GRID2: variants seen among roughly 807,000 people sequenced by gnomAD.
GRID2 encodes glutamate receptor ionotropic, delta-2.
A neutral mutation model predicts 114.8 loss-of-function variants in GRID2; 33 were observed. The observed-to-expected ratio is 0.29, with a 90% CI of 0.22 to 0.38. The LOEUF (loss-of-function observed/expected upper bound fraction) is 0.38, where lower values mean the gene tolerates loss of function less well. Ranked by LOEUF, GRID2 falls within the 10% of genes least tolerant of loss-of-function variation. GRID2 has a pLI of 1.00. For missense variants in GRID2, 1,184 were observed against 1,257.7 expected (o/e 0.94, Z 0.89); for synonymous variants, 505 against 449.9 (o/e 1.12, Z -1.55).
intron 7 of GRID2, among the ~76,000 whole-genome samples, chr4:93,230,950 T>G (rs910923520): frequency 5.9e-5 from 9 of 152,144 alleles, no homozygotes; most frequent in Admixed American, 3.3e-4. Context: ...ATAATTTAAT[T>G]TGTTAGTGTT....
chr4:93,554,099 AG>A (rs1734062984), intron 13 of GRID2, among the ~76,000 whole-genome samples: 1 of 152,182 alleles, frequency 6.6e-6, no homozygotes, highest in Non-Finnish European at 1.5e-5. Flanking sequence ...CTATCTCTCT[AG>A]TACCTTGAAA....
chr4:92,835,473 T>A (rs1391203477), intron 2 of GRID2, among the ~76,000 whole-genome samples: 1 of 152,122 alleles, frequency 6.6e-6, no homozygotes, highest in East Asian at 1.9e-4. Flanking sequence ...GTTCAGGAAA[T>A]TCTACAGATA....
chr4:93,149,338 C>T (rs747942710), intron 4 of GRID2, among the ~76,000 whole-genome samples: 1 of 151,960 alleles, frequency 6.6e-6, no homozygotes. Context: ...CTTTGGGAGG[C>T]GGAGGCAGGT....
At chr4:93,532,513 A>G (rs1232699576) in intron 13 of GRID2, among the ~76,000 whole-genome samples, 2 of 152,170 alleles carry the variant, frequency 1.3e-5, no homozygotes, top group Non-Finnish European at 2.9e-5. Context: ...TACTTTGTGT[A>G]TTTAACTCTG....
chr4:92,759,083 A>G lies in GRID2; in HGVS notation c.244+168797A>G, dbSNP rs559536885. 2.0e-5 allele frequency among the ~76,000 whole-genome samples: 3 copies of G among 152,278 alleles called. No individual in the cohort carries two copies. The East Asian group carries it at 5.8e-4, about 29-fold the overall frequency. ...ATAAAAGTAAACATTTTGATTGTCT[A>G]CTCTAGGGACGGGATTCTAGAAAAA... On this transcript the variant is annotated intron_variant, in intron 2 of 15. Coordinates refer to ENST00000282020, the MANE Select transcript of GRID2 (RefSeq NM_001510.4).
rs1223893017 is a variant in GRID2, at chr4:92,933,485, C to T, written c.245-151510C>T. Among the ~76,000 whole-genome samples, 5 of 151,360 alleles carry T rather than the reference C, an allele frequency of 3.3e-5. No individual in the cohort carries two copies. In the Admixed American group the frequency reaches 3.3e-4, roughly 10 times the overall value. Reference sequence around the variant, plus strand: ...CTACACTGTGTCTATTTCCAAGGGGCTAATAAGATTTAAGACTTCAAAGAT... The same window carrying T: ...CTACACTGTGTCTATTTCCAAGGGGTTAATAAGATTTAAGACTTCAAAGAT... On this transcript the variant is annotated intron_variant, in intron 2 of 15. Transcript: ENST00000282020.
intron 2 of GRID2, among the ~76,000 whole-genome samples, chr4:93,018,960 G>C (rs867877510): frequency 2.2e-4 from 33 of 152,080 alleles, no homozygotes; most frequent in African/African-American, 7.5e-4. Context: ...TTAAATACCA[G>C]TCCTTATCAG....
At chr4:93,013,211 G>A (rs763757000) in intron 2 of GRID2, among the ~76,000 whole-genome samples, 1 of 151,928 alleles carries the variant, frequency 6.6e-6, no homozygotes, top group African/African-American at 2.4e-5. Flanking sequence ...TTGACATAAC[G>A]AAAAACATCT....
At chr4:92,754,031 C>A (rs1402563163) in intron 2 of GRID2, among the ~76,000 whole-genome samples, 1 of 152,172 alleles carries the variant, frequency 6.6e-6, no homozygotes, top group East Asian at 1.9e-4. Context: ...AACATAAACA[C>A]AAACACATCG....
chr4:93,207,058 C>T (rs928807374), intron 4 of GRID2, among the ~76,000 whole-genome samples: 3 of 151,920 alleles, frequency 2.0e-5, no homozygotes, highest in Non-Finnish European at 4.4e-5. Context: ...AAGTTTATTT[C>T]GAGTAGGGAA....
In GRID2 at chr4:93,377,088, T is replaced by C. The variant is rs569990675; in HGVS notation, c.1246-18519T>C. On this transcript the variant is annotated intron_variant, in intron 8 of 15. Coordinates refer to ENST00000282020, the MANE Select transcript of GRID2 (RefSeq NM_001510.4). ...GATATATACCAGAATAGAAATAATA[T>C]TGTATAATGTCTGCCATTTGTTTCA... Among the ~76,000 whole-genome samples, 14 of 152,290 alleles carry C rather than the reference T, an allele frequency of 9.2e-5. No homozygotes were observed. In the East Asian group the frequency reaches 2.7e-3, roughly 29 times the overall value.
chr4:93,632,503 G>T (rs1185858368), intron 14 of GRID2, among the ~76,000 whole-genome samples: 1 of 151,982 alleles, frequency 6.6e-6, no homozygotes, highest in Non-Finnish European at 1.5e-5. Context: ...TTTTTGTCAG[G>T]TTTGTCAAAG....
At chr4:92,473,196 G>T (rs1025327948) in intron 1 of GRID2, among the ~76,000 whole-genome samples, 1 of 151,910 alleles carries the variant, frequency 6.6e-6, no homozygotes, top group Non-Finnish European at 1.5e-5. Context: ...AAAATCAATT[G>T]ACCATGTAAT....
rs1013552222 is a variant in GRID2 at position 93,036,583 on chromosome 4, T to A, written c.245-48412T>A. On this transcript the variant is annotated intron_variant, in intron 2 of 15. Transcript: ENST00000282020. The stretch of plus-strand genomic sequence containing the variant: ...TTTCCTTTATTATTTTTGCTAATAG[T>A]CATAAAAAGATAAGGAAGTTAGCCA... Among the ~76,000 whole-genome samples the A allele has an allele frequency of 5.9e-5, 9 of 152,174 alleles. No individual in the cohort carries two copies. In the South Asian group the frequency reaches 6.2e-4, roughly 10 times the overall value.
chr4:92,468,322 T>G (rs142432420), intron 1 of GRID2, among the ~76,000 whole-genome samples: 1,547 of 152,004 alleles, frequency 0.01, 27 homozygotes, highest in African/African-American at 0.036. Flanking sequence ...GAATAACTTT[T>G]CCAATATTAC....
intron 1 of GRID2, among the ~76,000 whole-genome samples, chr4:92,453,740 G>A (rs538461081): frequency 2.0e-5 from 3 of 152,000 alleles, no homozygotes; most frequent in African/African-American, 4.8e-5. Context: ...TAAATTTTAC[G>A]GCTTACCTTT....
At chr4:93,422,001 A>G (rs1430384325) in intron 9 of GRID2, among the ~76,000 whole-genome samples, 1 of 152,202 alleles carries the variant, frequency 6.6e-6, no homozygotes, top group Non-Finnish European at 1.5e-5. Context: ...AAATTAAGGA[A>G]TAGATTATCT....
chr4:93,074,901 A>G (rs1729122083), intron 2 of GRID2, among the ~76,000 whole-genome samples: 1 of 152,196 alleles, frequency 6.6e-6, no homozygotes, highest in African/African-American at 2.4e-5. Context: ...TGAAATATAA[A>G]CGTTACCAAA....
At chr4:92,766,638 G>A (rs944615761) in intron 2 of GRID2, among the ~76,000 whole-genome samples, 2 of 151,584 alleles carry the variant, frequency 1.3e-5, no homozygotes, top group African/African-American at 4.8e-5. Context: ...AGACTAGACT[G>A]TCTAAAGGTC....
Sources: gnomAD v4.1 joint callset for allele counts (sites outside exome capture counted in the v4.1 genomes callset) on GRCh38, gnomAD v4.1.1 for gene constraint, MANE v1.5 for transcripts, NCBI Gene and HGNC (gene_info 2026-07-23, HGNC 2026-07-21) for gene names.